The following RAB11FIP4 variants were observed in gnomAD, a reference collection of about 807,000 sequenced individuals.
The protein encoded by RAB11FIP4 is rab11 family-interacting protein 4.
RAB11FIP4 carries 23 observed loss-of-function variants against 74.3 expected under a neutral mutation model. That is an observed-to-expected ratio of 0.31 (90% CI 0.22 to 0.44). The LOEUF (loss-of-function observed/expected upper bound fraction) is 0.44, where lower values mean the gene tolerates loss of function less well. Ranked by LOEUF, RAB11FIP4 falls within the 20% of genes least tolerant of loss-of-function variation. RAB11FIP4 has a pLI of 1.00. For missense variants in RAB11FIP4, 630 were observed against 863.9 expected (o/e 0.73, Z 3.39); for synonymous variants, 360 against 359.9 (o/e 1.00, Z 0.00).
rs983386327 is a variant in RAB11FIP4, at chr17:31,439,787, T to TTTTG, written c.336+5685_336+5688dup. Among the ~76,000 whole-genome samples, 185 of 152,114 alleles carry TTTTG rather than the reference T, an allele frequency of 1.2e-3. 1 individual carries two copies. The highest frequency in any genetic ancestry group is 3.8e-3 in the African/African-American group (157 of 41,468). On this transcript the variant is annotated intron_variant, in intron 3 of 14. Coordinates refer to ENST00000621161, the MANE Select transcript of RAB11FIP4 (RefSeq NM_032932.6). The stretch of plus-strand genomic sequence containing the variant: ...CACCACATCCAGCTAATTTTTGTTT[T>TTTTG]TTTGTTTGTTTGTTTGTTTGTTTTG...
At chr17:31,397,081 G>C (rs1364981818) in intron 1 of RAB11FIP4, among the ~76,000 whole-genome samples, 1 of 152,190 alleles carries the variant, frequency 6.6e-6, no homozygotes, top group Non-Finnish European at 1.5e-5. Context: ...GATGTCTTTT[G>C]AGATACGTGG....
Position 31,528,396 on chromosome 17 carries a change from C to G in RAB11FIP4, c.1357-10C>G, listed in dbSNP as rs777547644. The G allele has an allele frequency of 6.2e-7, 1 of 1,611,218 alleles. No homozygotes were observed. The highest frequency in any genetic ancestry group is 1.3e-5 in the African/African-American group (1 of 74,936). On this transcript the variant is annotated splice_polypyrimidine_tract_variant and intron_variant, in intron 11 of 14. Coordinates refer to ENST00000621161, the MANE Select transcript of RAB11FIP4 (RefSeq NM_032932.6). The stretch of plus-strand genomic sequence containing the variant: ...AACTCTCCTCCCCTGATCGGGTCTC[C>G]CTGCTCCAGGAGCGGCAGCGCATGT...
intron 1 of RAB11FIP4, among the ~76,000 whole-genome samples, chr17:31,419,834 G>A (rs1209245554): frequency 6.6e-6 from 1 of 152,184 alleles, no homozygotes; most frequent in Non-Finnish European, 1.5e-5. Context: ...ACAGGCATGA[G>A]CCACTGCGCC....
intron 2 of RAB11FIP4, 142 bp downstream of exon 2, chr17:31,432,042 G>A: frequency 1.6e-6 from 1 of 634,638 alleles, no homozygotes. Flanking sequence ...TTCTGCCTCT[G>A]GCTTCCGGGG....
Position 31,531,816 on chromosome 17 carries a change from T to C in RAB11FIP4, c.*84T>C. 1 of 821,286 alleles carries C rather than the reference T, an allele frequency of 1.2e-6. No individual in the cohort carries two copies. Among genetic ancestry groups the C allele is most frequent in the Non-Finnish European group, 2.1e-6 (1 of 482,232 alleles). 50.9% of individuals were successfully genotyped at this position (821,286 alleles called of 1,614,324 possible). On this transcript the variant is annotated 3_prime_UTR_variant, in exon 15 of 15. Transcript: ENST00000621161. ...CAAGGATGCAGGCCTAAGCCGGGCC[T>C]CACACTCACACTGTAAATGTCTCTC...
intron 1 of RAB11FIP4, among the ~76,000 whole-genome samples, chr17:31,412,686 G>T (rs2071109708): frequency 6.6e-6 from 1 of 152,172 alleles, no homozygotes; most frequent in South Asian, 2.1e-4. Context: ...CCAGCCCCTG[G>T]CTAGACCTGG....
chr17:31,517,694 TC>T lies in RAB11FIP4; in HGVS notation c.384del (p.Arg129GlyfsTer14). 1 of 1,607,888 alleles carries T rather than the reference TC, an allele frequency of 6.2e-7. No individual in the cohort carries two copies. The highest frequency in any genetic ancestry group is 1.7e-5 in the Admixed American group (1 of 59,126). ...TGPTFADGELIPREPGFFPED... is the reference protein window; with the variant it reads ...TGPTFADGELXPREPGFFPED... ...CCCACCTTTGCTGATGGCGAGCTCATCCCCAGGGAACCCGGCTTTTTTCCCG... is the reference window on the plus strand; with the variant it reads ...CCCACCTTTGCTGATGGCGAGCTCATCCCAGGGAACCCGGCTTTTTTCCCG... On this transcript the variant is annotated frameshift_variant, in exon 4 of 15. Transcript: ENST00000621161. LOFTEE classifies it high-confidence loss of function.
chr17:31,517,801 C>A lies in RAB11FIP4; in HGVS notation c.487C>A (p.Gln163Lys). The change falls in exon 4 of 15, where the codon CAG (glutamine) becomes AAG (lysine). Residue 163 changes from glutamine (Q) to lysine (K), a missense_variant. Gln to Lys is a moderately conservative substitution (Grantham distance 53, BLOSUM62 1). Transcript: ENST00000621161. ...CACAGACAGCCCCATGGAGAGCACTCAGAGCCTGGAGGGGTCTGTCGGGAG... is the reference window on the plus strand; with the variant it reads ...CACAGACAGCCCCATGGAGAGCACTAAGAGCCTGGAGGGGTCTGTCGGGAG... ...LYTDSPMEST[Q>K]SLEGSVGSPA... is the part of the protein sequence containing the mutation. 1 of 1,554,990 alleles carries A rather than the reference C, an allele frequency of 6.4e-7. No homozygotes were observed. The highest frequency in any genetic ancestry group is 1.4e-5 in the African/African-American group (1 of 73,570).
intron 13 of RAB11FIP4, among the ~76,000 whole-genome samples, chr17:31,529,924 G>A (rs2074151): frequency 0.24 from 35,785 of 152,148 alleles, 4,436 homozygotes; most frequent in East Asian, 0.36. Flanking sequence ...AGCAGGATTC[G>A]GAACGTGGCT....
At chr17:31,443,049 C>T (rs1347532716) in intron 3 of RAB11FIP4, among the ~76,000 whole-genome samples, 4 of 152,086 alleles carry the variant, frequency 2.6e-5, no homozygotes, top group African/African-American at 7.2e-5. Context: ...ATCAGGATTG[C>T]GTCAGATTCC....
chr17:31,445,564 ATATATATATATATATTTTTTTTTTTT>A (rs2071450415), intron 3 of RAB11FIP4, among the ~76,000 whole-genome samples: 2 of 13,114 alleles, frequency 1.5e-4, no homozygotes, highest in African/African-American at 4.9e-4. Flanking sequence ...ATATATATAT[ATATATATATATATATTTTTTTTTTTT>A]TTTTTTTTTT....
chr17:31,450,341 T>G (rs2071513597), intron 3 of RAB11FIP4, among the ~76,000 whole-genome samples: 1 of 148,284 alleles, frequency 6.7e-6, no homozygotes, highest in Non-Finnish European at 1.5e-5. Flanking sequence ...TTATTATTAT[T>G]ATTATTATTA....
At chr17:31,446,222 A>G (rs890679357) in intron 3 of RAB11FIP4, among the ~76,000 whole-genome samples, 5 of 151,842 alleles carry the variant, frequency 3.3e-5, no homozygotes, top group African/African-American at 1.2e-4. Flanking sequence ...TACTGTGTTT[A>G]TTTTTCAAGT....
In RAB11FIP4 at chr17:31,487,967, C is replaced by CCCCCG. The variant is rs1330507643; in HGVS notation, c.337-29673_337-29669dup. The CCCCCG allele has an allele frequency of 8.4e-6, 7 of 837,332 alleles. No homozygotes were observed. In the South Asian group the frequency reaches 2.2e-4, roughly 26 times the overall value. The allele number at this position is 837,332 out of a possible 1,614,324, so 51.9% of individuals were successfully genotyped here. A position where few individuals can be genotyped will look rare whatever the true frequency, so the allele number is the denominator to read the frequency against. ...GCCGCGTCCCTGTCCTCCGCCCCCG[C>CCCCCG]CCCCGCCCCGCCCCGGCGCGAGGCC... On this transcript the variant is annotated intron_variant, in intron 3 of 14. Coordinates refer to ENST00000621161, the MANE Select transcript of RAB11FIP4 (RefSeq NM_032932.6).
At chr17:31,416,911 C>T (rs1454727750) in intron 1 of RAB11FIP4, among the ~76,000 whole-genome samples, 4 of 152,254 alleles carry the variant, frequency 2.6e-5, no homozygotes, top group East Asian at 1.9e-4. Flanking sequence ...TGCTTCCTAT[C>T]GCCCATATTC....
chr17:31,433,852 C>A (rs963197063), intron 2 of RAB11FIP4, among the ~76,000 whole-genome samples, 182 bp from the exon 3 acceptor site: 6 of 152,198 alleles, frequency 3.9e-5, no homozygotes, highest in African/African-American at 7.2e-5. Flanking sequence ...TCCACAGTGC[C>A]TTGAGCTGAG....
Position 31,531,759 on chromosome 17 carries a change from T to C in RAB11FIP4, c.*27T>C. The C allele has an allele frequency of 6.7e-7, 1 of 1,497,534 alleles. No homozygotes were observed. The highest frequency in any genetic ancestry group is 9.3e-7 in the Non-Finnish European group (1 of 1,074,282). 92.8% of individuals were successfully genotyped at this position (1,497,534 alleles called of 1,614,324 possible). ...GCACGGGGCTGGCTGCAGAGCAGCC[T>C]TAGGACCCTGGGACCAAGGGCAGAC... On this transcript the variant is annotated 3_prime_UTR_variant, in exon 15 of 15. Coordinates refer to ENST00000621161, the MANE Select transcript of RAB11FIP4 (RefSeq NM_032932.6).
intron 1 of RAB11FIP4, among the ~76,000 whole-genome samples, chr17:31,397,230 T>C (rs2070939698): frequency 6.6e-6 from 1 of 152,148 alleles, no homozygotes; most frequent in South Asian, 2.1e-4. Context: ...GATCAGTGGT[T>C]CCCTGTAGGC....
intron 3 of RAB11FIP4, among the ~76,000 whole-genome samples, chr17:31,489,203 T>TCTGCC (rs1263255726): frequency 3.3e-5 from 5 of 152,308 alleles, no homozygotes; most frequent in African/African-American, 9.6e-5. Flanking sequence ...CCACCAAACT[T>TCTGCC]CTGCCCTGCC....
Sources: allele counts gnomAD v4.1 joint callset (sites outside exome capture counted in the v4.1 genomes callset), GRCh38; gene constraint gnomAD v4.1.1; transcripts MANE v1.5; gene names NCBI Gene and HGNC (gene_info 2026-07-23, HGNC 2026-07-21).